The following MKLN1 variants were observed in gnomAD, a reference collection of about 807,000 sequenced individuals.
The protein encoded by MKLN1 is muskelin 1.
A neutral mutation model predicts 99.0 loss-of-function variants in MKLN1; 18 were observed. That is an observed-to-expected ratio of 0.18 (90% CI 0.13 to 0.27). The LOEUF is 0.27. Among genes scored for constraint, MKLN1 ranks in the 10% least tolerant of loss-of-function variants. MKLN1 has a pLI of 1.00. For synonymous variants in MKLN1, 288 were observed against 293.2 expected (o/e 0.98, Z 0.18); for missense variants, 621 against 875.9 (o/e 0.71, Z 3.67).
At chr7:131,227,521 C>CTTTCTTTCTTTCTT (rs1797173633) in intron 3 of MKLN1, among the ~76,000 whole-genome samples, 2 of 136,054 alleles carry the variant, frequency 1.5e-5, no homozygotes, top group Non-Finnish European at 3.2e-5. Context: ...TTCTTTCTTT[C>CTTTCTTTCTTTCTT]TTTCTTTCTT....
At chr7:131,414,599 C>A in intron 7 of MKLN1, 46 bp from the exon 8 acceptor site, 1 of 1,308,296 alleles carries the variant, frequency 7.6e-7, no homozygotes, top group Non-Finnish European at 1.1e-6. Flanking sequence ...TCTGGATATG[C>A]TGTTCTTTGT....
At chr7:131,169,392 T>G (rs890933407) in intron 2 of MKLN1, among the ~76,000 whole-genome samples, 3 of 152,228 alleles carry the variant, frequency 2.0e-5, no homozygotes, top group Non-Finnish European at 4.4e-5. Flanking sequence ...GCTTCAGATT[T>G]TTTCTGCAAT....
At chr7:131,411,205 G>C (rs892090111) in intron 6 of MKLN1, 101 bp from the exon 7 acceptor site, 3 of 636,436 alleles carry the variant, frequency 4.7e-6, no homozygotes, top group Admixed American at 6.1e-5. Context: ...TGACATATTA[G>C]TAATTTCTTT....
chr7:131,138,426 A>G (rs541989094), intron 1 of MKLN1, among the ~76,000 whole-genome samples: 6 of 152,282 alleles, frequency 3.9e-5, no homozygotes, highest in African/African-American at 1.4e-4. Flanking sequence ...GTTACACTGA[A>G]CCAGGCATTT....
rs149025266 is a variant in MKLN1 at position 131,458,886 on chromosome 7, G to A, written c.1526-4331G>A. Among the ~76,000 whole-genome samples the A allele has an allele frequency of 1.4e-3, 214 of 152,208 alleles. 4 individuals are homozygous for A. The highest frequency in any genetic ancestry group is 5.1e-3 in the African/African-American group (210 of 41,524). ...TAGCATTCATTGTTACTGATAAGTT[G>A]TAGGGCCAAAAGAGTTGTGATACTT... On this transcript the variant is annotated intron_variant, in intron 12 of 17. Transcript: ENST00000352689.
At chr7:131,268,070 T>A (rs1323715650) in intron 3 of MKLN1, among the ~76,000 whole-genome samples, 1 of 152,202 alleles carries the variant, frequency 6.6e-6, no homozygotes, top group African/African-American at 2.4e-5. Flanking sequence ...ATTAAATAAA[T>A]CACATAGGCT....
intron 1 of MKLN1, among the ~76,000 whole-genome samples, chr7:131,356,649 G>A (rs896388490): frequency 2.2e-4 from 34 of 152,112 alleles, no homozygotes; most frequent in African/African-American, 7.7e-4. Context: ...CGCCTCTGTC[G>A]TGTCCCACTG....
chr7:131,242,697 CG>C, intron 3 of MKLN1: 1 of 651,242 alleles, frequency 1.5e-6, no homozygotes, highest in Non-Finnish European at 2.9e-6. Flanking sequence ...TACCTTAGAT[CG>C]CCCCTACAGC....
At chr7:131,470,481 A>T (rs1489742975) in intron 15 of MKLN1, among the ~76,000 whole-genome samples, 1 of 152,218 alleles carries the variant, frequency 6.6e-6, no homozygotes, top group African/African-American at 2.4e-5. Context: ...CTTGTTTTGG[A>T]TGAAACACAT....
In MKLN1 at chr7:131,387,143, G is replaced by T; in HGVS notation, c.192G>T (p.Arg64Ser). The T allele has an allele frequency of 1.2e-6, 2 of 1,605,492 alleles. No homozygotes were observed. The highest frequency in any genetic ancestry group is 1.7e-6 in the Non-Finnish European group (2 of 1,177,100). The change falls in exon 3 of 18, where the codon AGG becomes AGT. Residue 64 changes from arginine (R) to serine (S), a missense_variant. Physicochemically the swap from Arg to Ser is moderately radical, Grantham distance 110. Transcript: ENST00000352689. ...AGTACTTGATTCTAAAGCTCGAAAG[G>T]CCTGCTATAGTTCAGAATATCACAT... ...PPQYLILKLE[R>S]PAIVQNITFG...
intron 3 of MKLN1, among the ~76,000 whole-genome samples, chr7:131,221,816 C>T (rs539735919): frequency 6.6e-6 from 1 of 151,856 alleles, no homozygotes; most frequent in African/African-American, 2.4e-5. Flanking sequence ...TCACCATGCC[C>T]GGCCTCTTGC....
At chr7:131,218,896 G>A (rs557450054) in intron 3 of MKLN1, among the ~76,000 whole-genome samples, 5 of 152,290 alleles carry the variant, frequency 3.3e-5, no homozygotes, top group African/African-American at 1.2e-4. Flanking sequence ...GACCAAGAAT[G>A]TAACCACAGA....
At chr7:131,421,913 G>T (rs924542401) in intron 8 of MKLN1, among the ~76,000 whole-genome samples, 1 of 151,916 alleles carries the variant, frequency 6.6e-6, no homozygotes, top group African/African-American at 2.4e-5. Flanking sequence ...CCTTAGGAAG[G>T]GACACCATAA....
At chr7:131,400,079 G>A (rs1563329539) in intron 6 of MKLN1, among the ~76,000 whole-genome samples, 2 of 151,644 alleles carry the variant, frequency 1.3e-5, no homozygotes, top group Non-Finnish European at 2.9e-5. Context: ...ATCTTCCTCA[G>A]TAACTTTCAT....
intron 1 of MKLN1, among the ~76,000 whole-genome samples, chr7:131,342,533 A>T (rs1014867341): frequency 2.6e-5 from 4 of 152,228 alleles, no homozygotes; most frequent in Non-Finnish European, 5.9e-5. Flanking sequence ...TATTTTTGGA[A>T]GCAGTGAAAC....
intron 3 of MKLN1, among the ~76,000 whole-genome samples, chr7:131,314,205 C>T (rs1192818280): frequency 7.9e-5 from 12 of 152,050 alleles, no homozygotes; most frequent in African/African-American, 1.7e-4. Context: ...AGGGATCAGG[C>T]GACACGATAC....
At chr7:131,136,093 G>A (rs531294255) in intron 1 of MKLN1, among the ~76,000 whole-genome samples, 4 of 152,272 alleles carry the variant, frequency 2.6e-5, no homozygotes, top group Admixed American at 6.5e-5. Flanking sequence ...AGTTCATGAA[G>A]GCCTTCATGC....
intron 6 of MKLN1, among the ~76,000 whole-genome samples, chr7:131,402,789 C>A (rs3886834): frequency 2.0e-5 from 3 of 151,964 alleles, no homozygotes; most frequent in Non-Finnish European, 2.9e-5. Flanking sequence ...TTTTCTTTTT[C>A]TGAGCAGTAG....
intron 2 of MKLN1, among the ~76,000 whole-genome samples, chr7:131,157,513 A>G (rs1283666356): frequency 6.6e-6 from 1 of 152,220 alleles, no homozygotes; most frequent in East Asian, 1.9e-4. Flanking sequence ...TCTACCTCAT[A>G]GAATTGTTGG....
Sources: gnomAD v4.1 joint callset for allele counts (sites outside exome capture counted in the v4.1 genomes callset) on GRCh38, gnomAD v4.1.1 for gene constraint, MANE v1.5 for transcripts, NCBI Gene and HGNC (gene_info 2026-07-23, HGNC 2026-07-21) for gene names.